Variants in PDE9A observed in about 807,000 individuals in gnomAD.
The protein encoded by PDE9A is phosphodiesterase 9A.
A neutral mutation model predicts 87.4 loss-of-function variants in PDE9A; 60 were observed. The observed-to-expected ratio is 0.69, with a 90% CI of 0.56 to 0.85. The LOEUF is 0.85. Among genes scored for constraint, PDE9A ranks in the 40% least tolerant of loss-of-function variants. The probability of loss-of-function intolerance (pLI) is 0.00; values close to 1 mark genes in which losing one functional copy is unlikely to be tolerated. For synonymous variants in PDE9A, 272 were observed against 279.4 expected, an observed-to-expected ratio of 0.97 and a Z score of 0.27; for missense variants, 665 against 779.0, an observed-to-expected ratio of 0.85 and a Z score of 1.74.
chr21:42,736,204 C>T (rs180995453), intron 7 of PDE9A, among the ~76,000 whole-genome samples: 1 of 152,296 alleles, frequency 6.6e-6, no homozygotes. Flanking sequence ...GTTGAAGAGG[C>T]CATGTCGTAA....
chr21:42,750,724 C>T (rs1232969801), intron 8 of PDE9A, among the ~76,000 whole-genome samples: 2 of 152,038 alleles, frequency 1.3e-5, no homozygotes, highest in African/African-American at 4.8e-5. Flanking sequence ...TACAGGCACA[C>T]GCCACCACGC....
chr21:42,653,849 C>G lies in PDE9A; in HGVS notation c.35C>G (p.Ala12Gly). ...GGCTCCTCCAGCTACCGGCCCAAGG[C>G]CATCTACCTGGACATCGATGGACGC... is the stretch of plus-strand genomic sequence containing the variant. ...GSGSSSYRPK[A>G]IYLDIDGRIQ... The change falls in exon 1 of 20, where the codon GCC becomes GGC. Residue 12 changes from alanine (A) to glycine (G), a missense_variant. Ala to Gly is a moderately conservative substitution (Grantham distance 60). Transcript: ENST00000291539. 6.4e-7 allele frequency: 1 copy of G among 1,570,736 alleles called. No individual in the cohort carries two copies. Among genetic ancestry groups the G allele is most frequent in the Admixed American group, 1.8e-5 (1 of 56,312 alleles).
intron 1 of PDE9A, among the ~76,000 whole-genome samples, chr21:42,670,379 TTC>T (rs1217048474): frequency 1.4e-3 from 150 of 107,666 alleles, no homozygotes; most frequent in African/African-American, 8.8e-3. Flanking sequence ...TTCACACACA[TTC>T]ACATTTACAT....
In PDE9A at chr21:42,770,779, T is replaced by C. The variant is rs1490098178; in HGVS notation, c.1667T>C (p.Ile556Thr). The C allele has an allele frequency of 6.2e-7, 1 of 1,613,790 alleles. No individual in the cohort carries two copies. The highest frequency in any genetic ancestry group is 2.2e-5 in the East Asian group (1 of 44,878). Residue 556 changes from isoleucine to threonine, a missense_variant, in exon 18 of 20, where the codon ATA (isoleucine) becomes ACA (threonine). By Grantham distance (89) the Ile-to-Thr change is moderately conservative. Transcript: ENST00000291539. ...GATCGCTACGAGGAGCTGAAGCGGA[T>C]AGATGACGCCATGAAAGAGGTAAAA... is the stretch of plus-strand genomic sequence containing the variant. Reference protein sequence around the residue: ...SRDRYEELKRIDDAMKELQKK... With the variant: ...SRDRYEELKRTDDAMKELQKK...
In PDE9A at chr21:42,759,632, G is replaced by A. The variant is rs1244703235; in HGVS notation, c.897+547G>A. Reference sequence around the variant, plus strand: ...GGTGGGAGTGTGTGGGGTGGGAGTAGGAGTGTGGAGGTGTGTCTGTGTGTG... The same window carrying A: ...GGTGGGAGTGTGTGGGGTGGGAGTAAGAGTGTGGAGGTGTGTCTGTGTGTG... On this transcript the variant is annotated intron_variant, in intron 11 of 19. Transcript: ENST00000291539. This position sits in a 1 kb window ranked among gnomAD's most constrained non-coding sequence, Gnocchi z 7.2. Among the ~76,000 whole-genome samples, 2 of 150,990 alleles carry A rather than the reference G, an allele frequency of 1.3e-5. No individual in the cohort carries two copies. The highest frequency in any genetic ancestry group is 3.0e-5 in the Non-Finnish European group (2 of 67,706).
intron 1 of PDE9A, among the ~76,000 whole-genome samples, chr21:42,657,826 G>A (rs1444929639): frequency 2.0e-5 from 3 of 152,224 alleles, no homozygotes; most frequent in African/African-American, 7.2e-5. Context: ...CGCACTGTGC[G>A]CGGCCTCCCT....
At chr21:42,717,294 CTTTTTTTTTTTTT>C (rs57599893) in intron 4 of PDE9A, among the ~76,000 whole-genome samples, 1 of 85,168 alleles carries the variant, frequency 1.2e-5, no homozygotes, top group African/African-American at 5.3e-5. Flanking sequence ...TGGAACATGC[CTTTTTTTTTTTTT>C]TTTTTTTTTG....
At chr21:42,726,614 A>AT (rs1393206123) in intron 4 of PDE9A, among the ~76,000 whole-genome samples, 20 of 22,586 alleles carry the variant, frequency 8.9e-4, no homozygotes, top group African/African-American at 5.5e-3. Flanking sequence ...ATATATATAT[A>AT]TATATATATA....
chr21:42,698,222 C>T (rs1243686842), intron 3 of PDE9A, among the ~76,000 whole-genome samples: 2 of 152,206 alleles, frequency 1.3e-5, no homozygotes, highest in Non-Finnish European at 2.9e-5. Flanking sequence ...ATGTCTGCCG[C>T]CCTGTGTCCT....
chr21:42,761,930 C>T (rs1448822014), intron 13 of PDE9A, among the ~76,000 whole-genome samples, 153 bp from the exon 14 acceptor site: 1 of 152,080 alleles, frequency 6.6e-6, no homozygotes, highest in Non-Finnish European at 1.5e-5. Context: ...GGAGGGACCT[C>T]CTGGCCAGGC....
At chr21:42,663,972 T>C (rs2057782698) in intron 1 of PDE9A, among the ~76,000 whole-genome samples, 1 of 152,184 alleles carries the variant, frequency 6.6e-6, no homozygotes, top group African/African-American at 2.4e-5. Flanking sequence ...GAGTTTGTGA[T>C]TCAGCCTCAG....
At position 42,760,374 on chromosome 21, in the gene PDE9A, G is replaced by T; in HGVS notation, c.944G>T (p.Arg315Leu). 3 of 1,610,352 alleles carry T rather than the reference G, an allele frequency of 1.9e-6. No homozygotes were observed. Among genetic ancestry groups the T allele is most frequent in the Non-Finnish European group, 2.5e-6 (3 of 1,179,592 alleles). The change falls in exon 12 of 20, where the codon CGG (arginine) becomes CTG (leucine). Residue 315 changes from arginine to leucine, a missense_variant. By Grantham distance (102) the Arg-to-Leu change is moderately radical (BLOSUM62 -2). Coordinates refer to ENST00000291539, the MANE Select transcript of PDE9A (RefSeq NM_002606.3). This position sits in a 1 kb window ranked among gnomAD's most constrained non-coding sequence, Gnocchi z 5.2. ...AGAAACAACCCCTTCCACAACTTCC[G>T]GCACTGCTTCTGCGTGGCCCAGATG... ...NYRNNPFHNF[R>L]HCFCVAQMMY...
At chr21:42,725,365 G>C (rs969815507) in intron 4 of PDE9A, among the ~76,000 whole-genome samples, 5 of 152,034 alleles carry the variant, frequency 3.3e-5, no homozygotes, top group African/African-American at 9.7e-5. Flanking sequence ...TCAGTCTCCT[G>C]AGTAGGTGTG....
chr21:42,765,880 C>A (rs1217672807), intron 15 of PDE9A, among the ~76,000 whole-genome samples: 3 of 152,226 alleles, frequency 2.0e-5, no homozygotes, highest in Non-Finnish European at 4.4e-5. Flanking sequence ...CTCCCGCTCC[C>A]CAAGCCAGCA....
chr21:42,749,616 T>C (rs1400397687), intron 8 of PDE9A, among the ~76,000 whole-genome samples: 1 of 151,988 alleles, frequency 6.6e-6, no homozygotes, highest in Admixed American at 6.6e-5. Context: ...AAAAACAGAG[T>C]CAGACAGAAA....
chr21:42,727,636 T>C (rs998555160), intron 4 of PDE9A, among the ~76,000 whole-genome samples: 5 of 151,770 alleles, frequency 3.3e-5, no homozygotes, highest in Non-Finnish European at 5.9e-5. Context: ...GTGTGGCTGG[T>C]ATTTTATTTA....
chr21:42,667,713 C>A (rs556068738), intron 1 of PDE9A, among the ~76,000 whole-genome samples: 1 of 152,220 alleles, frequency 6.6e-6, no homozygotes, highest in African/African-American at 2.4e-5. Flanking sequence ...CTTGCTGGGC[C>A]TTCTTGAAAG....
Position 42,735,291 on chromosome 21 carries a change from C to A in PDE9A, c.568+1865C>A, listed in dbSNP as rs2052280473. ...CTTATGCAGATATCAGGCTGCTTCT[C>A]CATGTCACTGGCTACAGGTTCAAAA... On this transcript the variant is annotated intron_variant, in intron 7 of 19. Coordinates refer to ENST00000291539, the MANE Select transcript of PDE9A (RefSeq NM_002606.3). Among the ~76,000 whole-genome samples the A allele has an allele frequency of 2.6e-5, 4 of 152,348 alleles. No individual in the cohort carries two copies. The South Asian group carries it at 8.3e-4, about 32-fold the overall frequency.
intron 1 of PDE9A, among the ~76,000 whole-genome samples, chr21:42,665,686 T>G (rs1319702877): frequency 6.6e-6 from 1 of 152,194 alleles, no homozygotes; most frequent in Non-Finnish European, 1.5e-5. Context: ...GGTGCCTCTC[T>G]GCACTGTAAT....
Sources: gnomAD v4.1 joint callset for allele counts (sites outside exome capture counted in the v4.1 genomes callset) on GRCh38, gnomAD v4.1.1 for gene constraint, Gnocchi (gnomAD v3.1) non-coding constraint, MANE v1.5 for transcripts, NCBI Gene and HGNC (gene_info 2026-07-23, HGNC 2026-07-21) for gene names.